Variants in COL25A1 observed in about 807,000 individuals in gnomAD.
COL25A1 encodes collagen alpha-1(XXV) chain.
COL25A1 carries 103 observed loss-of-function variants against 128.4 expected under a neutral mutation model. That is an observed-to-expected ratio of 0.80 (90% confidence interval 0.68 to 0.94). The LOEUF (loss-of-function observed/expected upper bound fraction) is 0.94. COL25A1 is among the 40% of genes least tolerant of loss of function. COL25A1 has a pLI of 0.00. For synonymous variants in COL25A1, 279 were observed against 277.2 expected (o/e 1.01, Z -0.06); for missense variants, 745 against 840.0 (o/e 0.89, Z 1.40).
intron 13 of COL25A1, among the ~76,000 whole-genome samples, chr4:108,902,059 G>C (rs1742908698): frequency 6.6e-6 from 1 of 152,004 alleles, no homozygotes; most frequent in Admixed American, 6.6e-5. Flanking sequence ...ATTGAGGCTA[G>C]TAAAGTTGCT....
intron 3 of COL25A1, among the ~76,000 whole-genome samples, chr4:109,092,255 T>C (rs1764981107): frequency 6.6e-6 from 1 of 152,196 alleles, no homozygotes; most frequent in Admixed American, 6.5e-5. Flanking sequence ...GTCAAAGGAT[T>C]GCTTAAGGCC....
At chr4:109,302,126 G>T in intron 1 of COL25A1, 43 bp downstream of exon 1, 1 of 1,373,994 alleles carries the variant, frequency 7.3e-7, no homozygotes, top group Non-Finnish European at 9.6e-7. Flanking sequence ...CCCTGTGGCT[G>T]CACAACTAGT....
In COL25A1 at chr4:109,072,317, G is replaced by A. The variant is rs139627340; in HGVS notation, c.368-22138C>T. 4.5e-3 allele frequency among the ~76,000 whole-genome samples: 679 copies of A among 152,068 alleles called. 5 individuals are homozygous for A. Among genetic ancestry groups the A allele is most frequent in the African/African-American group, 0.016 (655 of 41,504 alleles). On this transcript the variant is annotated intron_variant, in intron 3 of 37. Transcript: ENST00000399132. ...ACGATGTTACCTTAATTTAACTCAC[G>A]TTTTCTTCCTTCCTAATTAGGTTGA...
rs189814319 is a variant in COL25A1, at chr4:108,856,771, T to C, written c.1320+2885A>G. ...TAAAGATGAGAAAAAGAAACAGAAG[T>C]ATATCGTTTCATATTGAAATATAGG... On this transcript the variant is annotated intron_variant, in intron 24 of 37. Transcript: ENST00000399132. 1.6e-3 allele frequency among the ~76,000 whole-genome samples: 244 copies of C among 152,228 alleles called. 2 individuals are homozygous for C. The highest frequency in any genetic ancestry group is 5.6e-3 in the African/African-American group (234 of 41,558).
chr4:109,060,147 A>C (rs1437350466), intron 3 of COL25A1, among the ~76,000 whole-genome samples: 1 of 152,132 alleles, frequency 6.6e-6, no homozygotes, highest in Non-Finnish European at 1.5e-5. Context: ...TCCATCTCAG[A>C]CTTGTTCTAA....
intron 3 of COL25A1, among the ~76,000 whole-genome samples, chr4:109,211,323 T>C (rs1777539248): frequency 9.3e-6 from 1 of 107,146 alleles, no homozygotes. Flanking sequence ...TATATATATA[T>C]ATATATGAAA....
chr4:109,267,019 A>G (rs1008347351), intron 3 of COL25A1, among the ~76,000 whole-genome samples: 1 of 152,198 alleles, frequency 6.6e-6, no homozygotes, highest in Non-Finnish European at 1.5e-5. Flanking sequence ...GAAAACAGAA[A>G]GAATGTAACA....
chr4:108,818,789 A>G (rs6822161), intron 36 of COL25A1, among the ~76,000 whole-genome samples: 4,022 of 152,224 alleles, frequency 0.026, 186 homozygotes, highest in African/African-American at 0.092. Context: ...ACTTGACGAC[A>G]GAAGCTGAAT....
intron 3 of COL25A1, among the ~76,000 whole-genome samples, chr4:109,188,935 G>A (rs1009224849): frequency 6.6e-6 from 1 of 151,706 alleles, no homozygotes; most frequent in African/African-American, 2.4e-5. Flanking sequence ...TGGGGGTAGG[G>A]GGCAGGGGAA....
rs930894412 is a variant in COL25A1, at chr4:108,811,551, T to G, written c.*2376A>C. 6.6e-6 allele frequency: 1 copy of G among 152,010 alleles called. No homozygotes were observed. Among genetic ancestry groups the G allele is most frequent in the Non-Finnish European group, 1.5e-5 (1 of 67,936 alleles). The allele number at this position is 152,010 out of a possible 1,614,324, so 9.4% of individuals were successfully genotyped here. ...TCTACTAGAGGAGCAGAAAAAAAGA[T>G]AGAAGGGAAAAAAATATAGCCACTG... is the stretch of plus-strand genomic sequence containing the variant. On this transcript the variant is annotated 3_prime_UTR_variant, in exon 38 of 38. Transcript: ENST00000399132.
chr4:109,080,512 T>C (rs988680123), intron 3 of COL25A1, among the ~76,000 whole-genome samples: 4 of 152,172 alleles, frequency 2.6e-5, no homozygotes, highest in Non-Finnish European at 4.4e-5. Context: ...CAAGTTCTTT[T>C]CCAACAACTC....
chr4:108,925,118 T>C lies in COL25A1; in HGVS notation c.709-4514A>G, dbSNP rs745799540. Among the ~76,000 whole-genome samples the C allele has an allele frequency of 6.6e-4, 101 of 152,172 alleles. 1 individual carries two copies. Among genetic ancestry groups the C allele is most frequent in the Non-Finnish European group, 2.8e-4 (19 of 68,024 alleles). ...ATTTATTCACTCACATAATAGTTTT[T>C]AAGAGCCCACTGAATTCTCTTTTGT... is the stretch of plus-strand genomic sequence containing the variant. On this transcript the variant is annotated intron_variant, in intron 11 of 37. Transcript: ENST00000399132.
chr4:109,060,853 T>G (rs1012913988), intron 3 of COL25A1, among the ~76,000 whole-genome samples: 1 of 152,150 alleles, frequency 6.6e-6, no homozygotes, highest in African/African-American at 2.4e-5. Flanking sequence ...TTCATCAGTA[T>G]TTTTTCTTGA....
chr4:108,935,124 G>A (rs1054512018), intron 11 of COL25A1, among the ~76,000 whole-genome samples: 2 of 152,116 alleles, frequency 1.3e-5, no homozygotes, highest in African/African-American at 4.8e-5. Flanking sequence ...AGGAAATATG[G>A]TTCTTCCTCC....
chr4:109,057,134 A>C (rs1761518307), intron 3 of COL25A1, among the ~76,000 whole-genome samples: 1 of 152,196 alleles, frequency 6.6e-6, no homozygotes, highest in Admixed American at 6.5e-5. Context: ...AGTCAGAATT[A>C]AAGGTGTGAG....
chr4:109,116,905 G>A (rs145416965), intron 3 of COL25A1, among the ~76,000 whole-genome samples: 5 of 152,118 alleles, frequency 3.3e-5, no homozygotes, highest in African/African-American at 1.2e-4. Context: ...GGACATGGCT[G>A]AGGAGAAGAA....
rs991813844 is a variant in COL25A1, at chr4:109,278,122, G to A, written c.367+22461C>T. On this transcript the variant is annotated intron_variant, in intron 3 of 37. Coordinates refer to ENST00000399132, the MANE Select transcript of COL25A1 (RefSeq NM_198721.4). ...TGCACTCCAGCCTGGGCAACAGAGC[G>A]AGACTCCATCTCAAAAAAAAAAAAG... Among the ~76,000 whole-genome samples, 25 of 151,460 alleles carry A rather than the reference G, an allele frequency of 1.7e-4. 1 individual carries two copies. The highest frequency in any genetic ancestry group is 4.8e-4 in the African/African-American group (20 of 41,326).
At chr4:109,033,067 G>T (rs1208735214) in intron 5 of COL25A1, among the ~76,000 whole-genome samples, 1 of 152,200 alleles carries the variant, frequency 6.6e-6, no homozygotes, top group Non-Finnish European at 1.5e-5. Flanking sequence ...TGAACCTTCA[G>T]AAATAAAGTC....
At chr4:109,118,072 T>C (rs1027991397) in intron 3 of COL25A1, among the ~76,000 whole-genome samples, 1 of 151,890 alleles carries the variant, frequency 6.6e-6, no homozygotes, top group African/African-American at 2.4e-5. Context: ...AAATATGGTA[T>C]AATCACTTTA....
Sources: gnomAD v4.1 joint callset for allele counts (sites outside exome capture counted in the v4.1 genomes callset) on GRCh38, gnomAD v4.1.1 for gene constraint, MANE v1.5 for transcripts, NCBI Gene and HGNC (gene_info 2026-07-23, HGNC 2026-07-21) for gene names.